Variants in CERT1 observed in about 807,000 individuals in gnomAD.
The protein encoded by CERT1 is ceramide transporter 1.
CERT1 carries 31 observed loss-of-function variants against 87.9 expected under a neutral mutation model. That is an observed-to-expected ratio of 0.35 (90% CI 0.27 to 0.48). The LOEUF is 0.48. CERT1 is among the 20% of genes least tolerant of loss of function. The pLI is 0.99. For synonymous variants in CERT1, 289 were observed against 250.9 expected (o/e 1.15, Z -1.44); for missense variants, 487 against 758.0 (o/e 0.64, Z 4.20).
chr5:75,404,364 T>C (rs1762624436), intron 8 of CERT1, among the ~76,000 whole-genome samples: 1 of 150,470 alleles, frequency 6.6e-6, no homozygotes, highest in Non-Finnish European at 1.5e-5. Flanking sequence ...CATATCTTAG[T>C]GAAGCATCAC....
chr5:75,491,159 G>A (rs1480439604), intron 2 of CERT1, among the ~76,000 whole-genome samples: 1 of 151,970 alleles, frequency 6.6e-6, no homozygotes, highest in Non-Finnish European at 1.5e-5. Context: ...TGTGATTTGG[G>A]GGCATTTTTT....
chr5:75,503,732 C>T (rs1472204698), intron 2 of CERT1, among the ~76,000 whole-genome samples: 1 of 149,640 alleles, frequency 6.7e-6, no homozygotes, highest in Admixed American at 6.7e-5. Context: ...TTACTATGTA[C>T]CACAATGAAA....
chr5:75,454,379 T>C (rs1345959569), intron 3 of CERT1, among the ~76,000 whole-genome samples: 1 of 152,254 alleles, frequency 6.6e-6, no homozygotes, highest in African/African-American at 2.4e-5. Flanking sequence ...AATGTGCATT[T>C]CTTGCTTTGT....
rs1176960724 is a variant in CERT1 at position 75,389,580 on chromosome 5, A to G, written c.1284+12T>C. 2 of 1,604,810 alleles carry G rather than the reference A, an allele frequency of 1.2e-6. No homozygotes were observed. The highest frequency in any genetic ancestry group is 8.5e-7 in the Non-Finnish European group (1 of 1,171,538). On this transcript the variant is annotated intron_variant, in intron 12 of 16. Transcript: ENST00000643780. Reference sequence around the variant, plus strand: ...CGCCTTTGGCAATCTATAACATTTCAGGGGGAATTACCTTCATTTCTCCTT... The same window carrying G: ...CGCCTTTGGCAATCTATAACATTTCGGGGGGAATTACCTTCATTTCTCCTT...
intron 3 of CERT1, among the ~76,000 whole-genome samples, chr5:75,433,852 T>A (rs998142137): frequency 6.6e-6 from 1 of 152,190 alleles, no homozygotes; most frequent in Non-Finnish European, 1.5e-5. Flanking sequence ...ATTGATATTA[T>A]ACCCTGAATT....
rs1179766169 is a variant in CERT1 at position 75,393,602 on chromosome 5, T to TTAAAAAAAAAAAAAAAAAAAAAAAAAAAA, written c.1189-3916_1189-3915insTTTTTTTTTTTTTTTTTTTTTTTTTTTTA. Reference sequence around the variant, plus strand: ...GCAACATAGCAAGACCTCATCTACTTAAAAAAAAAAAAAAAAAAAAAGAAA... The same window carrying TTAAAAAAAAAAAAAAAAAAAAAAAAAAAA: ...GCAACATAGCAAGACCTCATCTACTTTAAAAAAAAAAAAAAAAAAAAAAAAAAAAAAAAAAAAAAAAAAAAAAAAAGAAA... On this transcript the variant is annotated intron_variant, in intron 11 of 16. Coordinates refer to ENST00000643780, the MANE Select transcript of CERT1 (RefSeq NM_001379029.1). Among the ~76,000 whole-genome samples, 2 of 32,754 alleles carry TTAAAAAAAAAAAAAAAAAAAAAAAAAAAA rather than the reference T, an allele frequency of 6.1e-5. 1 individual carries two copies. The highest frequency in any genetic ancestry group is 2.3e-3 in the East Asian group (2 of 870). The allele number at this position is 32,754 out of a possible 152,430, so 21.5% of individuals were successfully genotyped here.
At chr5:75,459,271 C>A in intron 2 of CERT1, 90 bp from the exon 3 acceptor site, 1 of 733,768 alleles carries the variant, frequency 1.4e-6, no homozygotes, top group South Asian at 1.6e-5. Context: ...CATACTCATT[C>A]TGTGCTGGTG....
chr5:75,376,414 A>G (rs933573570), downstream of CERT1: 1 of 152,208 alleles, frequency 6.6e-6, no homozygotes, highest in Admixed American at 6.5e-5. Context: ...AGTTAGAGTG[A>G]AACAAAATCT....
intron 3 of CERT1, among the ~76,000 whole-genome samples, chr5:75,458,610 A>G (rs909340393): frequency 5.3e-5 from 8 of 151,616 alleles, no homozygotes; most frequent in African/African-American, 1.9e-4. Context: ...GGAGTGCAGT[A>G]GCCCAATCTT....
intron 2 of CERT1, among the ~76,000 whole-genome samples, chr5:75,489,772 T>C (rs1226899847): frequency 6.6e-6 from 1 of 152,210 alleles, no homozygotes; most frequent in African/African-American, 2.4e-5. Flanking sequence ...TAGGAACGCT[T>C]TTACTCTGTT....
intron 3 of CERT1, among the ~76,000 whole-genome samples, chr5:75,450,172 C>T (rs1352303756): frequency 6.6e-6 from 1 of 152,088 alleles, no homozygotes; most frequent in African/African-American, 2.4e-5. Context: ...ATTCTAGGTG[C>T]CCCACCAACT....
intron 11 of CERT1, among the ~76,000 whole-genome samples, chr5:75,392,548 T>C (rs185796702): frequency 4.6e-5 from 7 of 152,258 alleles, no homozygotes; most frequent in African/African-American, 1.7e-4. Context: ...ATGTTTGCTG[T>C]AGGAAAATAC....
At chr5:75,482,946 T>C (rs1409331471) in intron 2 of CERT1, among the ~76,000 whole-genome samples, 1 of 151,230 alleles carries the variant, frequency 6.6e-6, no homozygotes, top group Non-Finnish European at 1.5e-5. Flanking sequence ...CTGCGAAGAC[T>C]GTAATAAATA....
At chr5:75,395,448 G>A (rs1466112665) in intron 11 of CERT1, among the ~76,000 whole-genome samples, 2 of 148,982 alleles carry the variant, frequency 1.3e-5, no homozygotes, top group African/African-American at 5.0e-5. Flanking sequence ...GAGGCTGAGA[G>A]ACAGGAGGAT....
At position 75,511,482 on chromosome 5, in the gene CERT1, G is replaced by A; in HGVS notation, c.-275C>T. The A allele has an allele frequency of 6.6e-7, 1 of 1,504,768 alleles. No homozygotes were observed. The highest frequency in any genetic ancestry group is 8.9e-7 in the Non-Finnish European group (1 of 1,127,216). The allele number at this position is 1,504,768 out of a possible 1,614,324, so 93.2% of individuals were successfully genotyped here. Reference sequence around the variant, plus strand: ...CGCCGTGACCCCTGCGTTGCGCCCGGCGCTGCCACCCGAACTTAGCCCCCT... The same window carrying A: ...CGCCGTGACCCCTGCGTTGCGCCCGACGCTGCCACCCGAACTTAGCCCCCT... On this transcript the variant is annotated 5_prime_UTR_variant, in exon 1 of 17. Coordinates refer to ENST00000643780, the MANE Select transcript of CERT1 (RefSeq NM_001379029.1).
At chr5:75,377,324 T>C (rs757642785), downstream of CERT1, 4 of 152,220 alleles carry the variant, frequency 2.6e-5, no homozygotes, top group Non-Finnish European at 5.9e-5. Context: ...ATAACCTCTA[T>C]GAAAAGTAGT....
chr5:75,384,902 G>C (rs939169547), intron 13 of CERT1, among the ~76,000 whole-genome samples, 190 bp from the exon 14 acceptor site: 1 of 152,090 alleles, frequency 6.6e-6, no homozygotes, highest in African/African-American at 2.4e-5. Context: ...TGTGAGGTCT[G>C]ATCACCAGGA....
At chr5:75,472,480 G>C (rs1020650147) in intron 2 of CERT1, among the ~76,000 whole-genome samples, 3 of 152,070 alleles carry the variant, frequency 2.0e-5, no homozygotes, top group Non-Finnish European at 4.4e-5. Flanking sequence ...ACAAAGTGAA[G>C]AGAAAACCCA....
chr5:75,398,738 T>C (rs913935355), intron 11 of CERT1, among the ~76,000 whole-genome samples: 1 of 152,294 alleles, frequency 6.6e-6, no homozygotes, highest in Non-Finnish European at 1.5e-5. Context: ...CCCTTACCAA[T>C]GCTAAAAATT....
Sources: gnomAD v4.1 joint callset for allele counts (sites outside exome capture counted in the v4.1 genomes callset) on GRCh38, gnomAD v4.1.1 for gene constraint, MANE v1.5 for transcripts, NCBI Gene and HGNC (gene_info 2026-07-23, HGNC 2026-07-21) for gene names.